USH2A: variants seen among roughly 807,000 people sequenced by gnomAD.
USH2A encodes usherin.
Under a neutral mutation model 538.9 loss-of-function variants are expected in USH2A, and 443 were observed. The observed-to-expected ratio is 0.82, with a 90% CI of 0.76 to 0.89. USH2A has a LOEUF of 0.89. Ranked by LOEUF, USH2A falls within the 40% of genes least tolerant of loss-of-function variation. The probability of loss-of-function intolerance (pLI) is 0.00; values close to 1 mark genes in which losing one functional copy is unlikely to be tolerated. For synonymous variants in USH2A, 2,413 were observed against 2,273.5 expected (o/e 1.06, Z -1.75); for missense variants, 6,633 against 6,324.8 (o/e 1.05, Z -1.65).
intron 26 of USH2A, chr1:216,080,087 T>A (rs2031886325): frequency 6.6e-6 from 1 of 151,938 alleles, no homozygotes; most frequent in South Asian, 2.1e-4. Context: ...CTATAAAACA[T>A]CCAGATGAAA....
At chr1:215,688,502 G>A (rs1053435948) in intron 61 of USH2A, among the ~76,000 whole-genome samples, 7 of 152,046 alleles carry the variant, frequency 4.6e-5, no homozygotes, top group African/African-American at 1.7e-4. Flanking sequence ...TTGTCTACTC[G>A]GGCTGCTATA....
intron 32 of USH2A, among the ~76,000 whole-genome samples, chr1:216,010,513 G>A (rs1289973911): frequency 3.3e-5 from 5 of 151,760 alleles, no homozygotes; most frequent in Admixed American, 6.6e-5. Context: ...AGACCATCAC[G>A]GATGCCGAGC....
chr1:215,859,926 T>C (rs181774018), intron 44 of USH2A, among the ~76,000 whole-genome samples: 2 of 152,254 alleles, frequency 1.3e-5, no homozygotes, highest in African/African-American at 2.4e-5. Context: ...TGAGGCCTAG[T>C]TGGAGGTGTT....
intron 30 of USH2A, among the ~76,000 whole-genome samples, chr1:216,060,166 G>T (rs1285752919): frequency 1.3e-5 from 2 of 152,186 alleles, no homozygotes; most frequent in African/African-American, 4.8e-5. Context: ...CTTTCAATAT[G>T]TGGTTCATAA....
intron 61 of USH2A, among the ~76,000 whole-genome samples, chr1:215,695,716 G>A (rs1008831271): frequency 3.5e-4 from 53 of 151,812 alleles, no homozygotes; most frequent in African/African-American, 1.2e-3. Context: ...ACAGGCAAAC[G>A]TCTACATATC....
At chr1:215,847,075 AC>A (rs1449890706) in intron 44 of USH2A, among the ~76,000 whole-genome samples, 1 of 151,842 alleles carries the variant, frequency 6.6e-6, no homozygotes, top group Non-Finnish European at 1.5e-5. Flanking sequence ...CAATTCTTCA[AC>A]CCTTATCCTT....
chr1:216,313,511 T>C (rs1407770887), intron 9 of USH2A, among the ~76,000 whole-genome samples: 1 of 152,172 alleles, frequency 6.6e-6, no homozygotes, highest in Non-Finnish European at 1.5e-5. Context: ...CATTTAATGG[T>C]ATCCTGCTAC....
intron 9 of USH2A, among the ~76,000 whole-genome samples, chr1:216,313,255 T>C (rs1400565843): frequency 6.6e-6 from 1 of 152,162 alleles, no homozygotes; most frequent in Non-Finnish European, 1.5e-5. Context: ...GCTGCTCACG[T>C]CCTACTATGC....
chr1:216,014,617 C>T (rs2102495824), intron 32 of USH2A, among the ~76,000 whole-genome samples: 1 of 152,304 alleles, frequency 6.6e-6, no homozygotes, highest in South Asian at 2.1e-4. Flanking sequence ...GCAACAACAT[C>T]TTGTTTTCCA....
At chr1:215,646,821 C>A (rs1041066021) in intron 67 of USH2A, among the ~76,000 whole-genome samples, 1 of 152,180 alleles carries the variant, frequency 6.6e-6, no homozygotes, top group Non-Finnish European at 1.5e-5. Context: ...GCCACTGTGC[C>A]TGGCCCTCTT....
chr1:215,823,053 T>A (rs12138094), intron 47 of USH2A, among the ~76,000 whole-genome samples: 5,184 of 152,166 alleles, frequency 0.034, 97 homozygotes, highest in African/African-American at 0.05. Flanking sequence ...TTGGGCTTCA[T>A]ACTGAAGTGA....
chr1:215,842,154 T>G (rs1663697019), intron 46 of USH2A, among the ~76,000 whole-genome samples: 1 of 152,030 alleles, frequency 6.6e-6, no homozygotes, highest in African/African-American at 2.4e-5. Flanking sequence ...TGAAACCCTG[T>G]CTCTACTGAA....
intron 37 of USH2A, among the ~76,000 whole-genome samples, chr1:215,944,578 T>A (rs1666713593): frequency 6.6e-6 from 1 of 152,138 alleles, no homozygotes; most frequent in Non-Finnish European, 1.5e-5. Flanking sequence ...GAAAAGGAAA[T>A]GAAGCTGGAC....
intron 11 of USH2A, among the ~76,000 whole-genome samples, chr1:216,265,142 A>G (rs2036447202): frequency 6.7e-6 from 1 of 150,184 alleles, no homozygotes; most frequent in Admixed American, 6.6e-5. Flanking sequence ...AGAATATATA[A>G]GAAAATCAAC....
Position 215,816,966 on chromosome 1 carries a change from A to G in USH2A, c.9570+31T>C, listed in dbSNP as rs746036907. 13 of 1,608,554 alleles carry G rather than the reference A, an allele frequency of 8.1e-6. 1 individual carries two copies. The highest frequency in any genetic ancestry group is 1.7e-4 in the Middle Eastern group (1 of 6,034). The stretch of plus-strand genomic sequence containing the variant: ...ACTTGGAGTCTTGAGTGAGAAAAAC[A>G]TGGTTCACTGATTAGTTAGAAAAGA... On this transcript the variant is annotated intron_variant, in intron 48 of 71. Transcript: ENST00000307340.
At position 215,753,521 on chromosome 1, in the gene USH2A, T is replaced by A. The variant is rs564371095; in HGVS notation, c.11389+5074A>T. ...TTCATGTCCTTTGTGGGGACACAGA[T>A]GAAGGTGGAAACCATCATTCTCGGC... On this transcript the variant is annotated intron_variant, in intron 58 of 71. Transcript: ENST00000307340. Among the ~76,000 whole-genome samples, 86 of 152,250 alleles carry A rather than the reference T, an allele frequency of 5.6e-4. 1 individual carries two copies. Among genetic ancestry groups the A allele is most frequent in the African/African-American group, 2.0e-3 (85 of 41,530 alleles).
intron 3 of USH2A, among the ~76,000 whole-genome samples, chr1:216,395,945 A>C (rs894634469): frequency 8.5e-5 from 13 of 152,202 alleles, no homozygotes; most frequent in Non-Finnish European, 1.8e-4. Context: ...AAACAAAATC[A>C]AAACTCAGGA....
chr1:216,324,234 GCAC>G lies in USH2A; in HGVS notation c.1259_1261del (p.Gly420del), dbSNP rs778747558. On this transcript the variant is annotated inframe_deletion, in exon 7 of 72. Coordinates refer to ENST00000307340, the MANE Select transcript of USH2A (RefSeq NM_206933.4). Reference sequence around the variant, plus strand: ...ATCTCCATTGTTTTTCATTCCAAAAGCACCACAATTCCTGGCAAAATATTGCCA... The same window carrying G: ...ATCTCCATTGTTTTTCATTCCAAAAGCACAATTCCTGGCAAAATATTGCCA... The G allele has an allele frequency of 6.2e-7, 1 of 1,613,266 alleles. No individual in the cohort carries two copies. Among genetic ancestry groups the G allele is most frequent in the Non-Finnish European group, 8.5e-7 (1 of 1,179,654 alleles).
intron 32 of USH2A, among the ~76,000 whole-genome samples, chr1:216,013,646 C>G (rs1031300866): frequency 2.6e-5 from 4 of 152,044 alleles, no homozygotes; most frequent in African/African-American, 9.7e-5. Flanking sequence ...GGCTCAAAAG[C>G]TCCCCCACTG....
Sources: gnomAD v4.1 joint callset for allele counts (sites outside exome capture counted in the v4.1 genomes callset) on GRCh38, gnomAD v4.1.1 for gene constraint, MANE v1.5 for transcripts, NCBI Gene and HGNC (gene_info 2026-07-23, HGNC 2026-07-21) for gene names.